Variants in SOX6 observed in about 807,000 individuals in gnomAD.
SOX6 encodes the protein transcription factor SOX-6.
A neutral mutation model predicts 97.8 loss-of-function variants in SOX6; 11 were observed. The observed-to-expected ratio is 0.11, with a 90% CI of 0.07 to 0.19. The LOEUF is 0.19. SOX6 is among the 10% of genes least tolerant of loss of function. The pLI is 1.00. For missense variants in SOX6, 810 were observed against 1,039.5 expected (o/e 0.78, Z 3.04); for synonymous variants, 360 against 371.4 (o/e 0.97, Z 0.35).
At chr11:15,987,121 TA>T (rs1853872428) in intron 14 of SOX6, among the ~76,000 whole-genome samples, 1 of 152,246 alleles carries the variant, frequency 6.6e-6, no homozygotes, top group Admixed American at 6.5e-5. Flanking sequence ...ATATTGTTTA[TA>T]AAGAATTATC....
At chr11:16,335,151 C>T (rs554790177) in intron 2 of SOX6, among the ~76,000 whole-genome samples, 23 of 152,152 alleles carry the variant, frequency 1.5e-4, no homozygotes, top group African/African-American at 5.3e-4. Context: ...GAGATAGTAC[C>T]GTATGCAAAT....
In SOX6 at chr11:16,099,847, T is replaced by A. The variant is rs1053962530; in HGVS notation, c.899-2159A>T. On this transcript the variant is annotated intron_variant, in intron 7 of 15. Coordinates refer to ENST00000683767, the MANE Select transcript of SOX6 (RefSeq NM_001367873.1). ...CTGACAGGCATATTTTAAAAACATTTTTAACTTTTATCCTTCTTTGAATCT... is the reference window on the plus strand; with the variant it reads ...CTGACAGGCATATTTTAAAAACATTATTAACTTTTATCCTTCTTTGAATCT... Among the ~76,000 whole-genome samples, 3 of 151,814 alleles carry A rather than the reference T, an allele frequency of 2.0e-5. No homozygotes were observed. In the East Asian group the frequency reaches 5.8e-4, roughly 29 times the overall value.
chr11:16,267,706 C>T (rs886122422), intron 3 of SOX6, among the ~76,000 whole-genome samples: 37 of 151,388 alleles, frequency 2.4e-4, no homozygotes, highest in African/African-American at 8.5e-4. Context: ...TTTACCTGAA[C>T]GATTTAAAAT....
At chr11:16,565,761 C>G in intron 4 of SOX6, among the ~76,000 whole-genome samples, 1 of 142,586 alleles carries the variant, frequency 7.0e-6, no homozygotes, top group Middle Eastern at 3.4e-3. Flanking sequence ...AAAAAAAACT[C>G]GTCAACAGAA....
In SOX6 at chr11:16,234,676, T is replaced by A; in HGVS notation, c.446-5A>T. On this transcript the variant is annotated splice_region_variant and splice_polypyrimidine_tract_variant and intron_variant, in intron 3 of 15. Transcript: ENST00000683767. ...GTTTTTCCATGCAGGAGGAATCTATTAAAATACAAAAGTAAGTATTAAAAA... is the reference window on the plus strand; with the variant it reads ...GTTTTTCCATGCAGGAGGAATCTATAAAAATACAAAAGTAAGTATTAAAAA... The A allele has an allele frequency of 6.7e-7, 1 of 1,493,958 alleles. No individual in the cohort carries two copies. 92.5% of individuals were successfully genotyped at this position (1,493,958 alleles called of 1,614,324 possible).
At chr11:16,651,525 T>C (rs1161359596) in intron 3 of SOX6, among the ~76,000 whole-genome samples, 2 of 152,022 alleles carry the variant, frequency 1.3e-5, no homozygotes, top group East Asian at 1.9e-4. Context: ...ACAAAAATCA[T>C]GTGATCATCT....
chr11:16,725,423 G>A (rs564176397), intron 2 of SOX6, among the ~76,000 whole-genome samples: 9 of 152,132 alleles, frequency 5.9e-5, no homozygotes, highest in Admixed American at 1.3e-4. Flanking sequence ...TACTGAGGAG[G>A]CTGAGACAGA....
intron 7 of SOX6, among the ~76,000 whole-genome samples, chr11:16,100,245 G>A (rs1303779133): frequency 6.6e-6 from 1 of 151,642 alleles, no homozygotes; most frequent in East Asian, 1.9e-4. Flanking sequence ...ATTTGTCTCT[G>A]GATTTGAAAT....
intron 3 of SOX6, among the ~76,000 whole-genome samples, chr11:16,249,062 C>G (rs1853428526): frequency 6.7e-6 from 1 of 149,836 alleles, no homozygotes; most frequent in Non-Finnish European, 1.5e-5. Context: ...GATCGCACCA[C>G]TGCACTCCAG....
chr11:16,672,771 G>A (rs1847856454), intron 3 of SOX6, among the ~76,000 whole-genome samples: 1 of 152,028 alleles, frequency 6.6e-6, no homozygotes. Context: ...GCCTTCAAGA[G>A]ACCCATCTCA....
intron 6 of SOX6, among the ~76,000 whole-genome samples, chr11:16,148,959 A>G (rs1156681226): frequency 6.6e-6 from 1 of 152,148 alleles, no homozygotes; most frequent in South Asian, 2.1e-4. Context: ...TTTACCAAAT[A>G]CTATGTAAGC....
At chr11:16,615,850 C>T (rs113136680) in intron 3 of SOX6, among the ~76,000 whole-genome samples, 3,517 of 152,096 alleles carry the variant, frequency 0.023, 142 homozygotes, top group African/African-American at 0.08. Context: ...GTTTCTCTTA[C>T]AATGATACAC....
intron 4 of SOX6, among the ~76,000 whole-genome samples, chr11:16,548,908 T>A (rs2133183065): frequency 6.6e-6 from 1 of 152,166 alleles, no homozygotes; most frequent in East Asian, 1.9e-4. Flanking sequence ...CGTATACATA[T>A]TTCAAAAAAA....
chr11:16,527,677 A>G (rs1349867027), intron 4 of SOX6, among the ~76,000 whole-genome samples: 1 of 152,088 alleles, frequency 6.6e-6, no homozygotes, highest in Non-Finnish European at 1.5e-5. Context: ...CTATTAATGC[A>G]CCTGCATAGT....
At chr11:16,531,982 T>C (rs1861243129) in intron 4 of SOX6, among the ~76,000 whole-genome samples, 1 of 151,878 alleles carries the variant, frequency 6.6e-6, no homozygotes, top group Non-Finnish European at 1.5e-5. Context: ...CTTTAGATAG[T>C]AAGTAAGAGT....
chr11:16,627,984 G>T (rs1180773127), intron 3 of SOX6, among the ~76,000 whole-genome samples: 1 of 152,090 alleles, frequency 6.6e-6, no homozygotes, highest in South Asian at 2.1e-4. Flanking sequence ...TATGGTGAAA[G>T]GTATAGGTTT....
At chr11:15,983,764 C>A (rs974967364) in intron 15 of SOX6, among the ~76,000 whole-genome samples, 1 of 152,242 alleles carries the variant, frequency 6.6e-6, no homozygotes, top group South Asian at 2.1e-4. Flanking sequence ...TCATTGCCTG[C>A]ACTTCAGTAG....
At chr11:16,485,646 G>T (rs1004832940) in intron 4 of SOX6, among the ~76,000 whole-genome samples, 1 of 150,324 alleles carries the variant, frequency 6.7e-6, no homozygotes, top group Non-Finnish European at 1.5e-5. Context: ...CAGAAGAATC[G>T]CTTGAACCCT....
At chr11:16,442,693 A>G (rs2133087206) in intron 1 of SOX6, among the ~76,000 whole-genome samples, 2 of 152,270 alleles carry the variant, frequency 1.3e-5, no homozygotes, top group South Asian at 4.1e-4. Flanking sequence ...AAAAAGGACC[A>G]TTTTAAGGAA....
Sources: gnomAD v4.1 joint callset for allele counts (sites outside exome capture counted in the v4.1 genomes callset) on GRCh38, gnomAD v4.1.1 for gene constraint, MANE v1.5 for transcripts, NCBI Gene and HGNC (gene_info 2026-07-23, HGNC 2026-07-21) for gene names.